The following CTNNA2 variants were observed in gnomAD, a reference collection of about 807,000 sequenced individuals.
The protein encoded by CTNNA2 is catenin alpha 2.
CTNNA2 carries 42 observed loss-of-function variants against 101.0 expected under a neutral mutation model. The ratio of observed to expected loss-of-function variants is 0.42; its 90% CI spans 0.32 to 0.54. CTNNA2 has a LOEUF of 0.54. Among genes scored for constraint, CTNNA2 ranks in the 20% least tolerant of loss-of-function variants. The pLI, the probability that CTNNA2 is intolerant of heterozygous loss-of-function variation, is 0.14. For missense variants in CTNNA2, 871 were observed against 1,223.1 expected (o/e 0.71, Z 4.29); for synonymous variants, 450 against 456.4 (o/e 0.99, Z 0.18).
chr2:79,548,468 T>G (rs1673879676), intron 1 of CTNNA2, among the ~76,000 whole-genome samples: 1 of 152,232 alleles, frequency 6.6e-6, no homozygotes, highest in South Asian at 2.1e-4. Context: ...GAAATGCTAT[T>G]GTTAGAAATT....
chr2:80,476,508 A>T (rs1442676515), intron 9 of CTNNA2, among the ~76,000 whole-genome samples: 1 of 152,192 alleles, frequency 6.6e-6, no homozygotes, highest in East Asian at 1.9e-4. Flanking sequence ...AGAAGCAAAA[A>T]AAGCATTTTT....
intron 7 of CTNNA2, among the ~76,000 whole-genome samples, chr2:80,130,789 A>G (rs771831486): frequency 1.3e-4 from 19 of 151,694 alleles, no homozygotes; most frequent in Non-Finnish European, 2.1e-4. Context: ...GTTGCTTTTT[A>G]AAATGTTAAT....
chr2:80,237,415 A>T (rs1195203072), intron 7 of CTNNA2, among the ~76,000 whole-genome samples: 1 of 152,146 alleles, frequency 6.6e-6, no homozygotes, highest in Admixed American at 6.5e-5. Flanking sequence ...TCAACTTACG[A>T]TGGGTGTATT....
intron 7 of CTNNA2, among the ~76,000 whole-genome samples, chr2:80,349,197 A>G (rs1413962671): frequency 6.6e-6 from 1 of 152,082 alleles, no homozygotes; most frequent in Non-Finnish European, 1.5e-5. Flanking sequence ...GAAAATGCAG[A>G]GTCTTTCATC....
intron 1 of CTNNA2, among the ~76,000 whole-genome samples, chr2:79,583,535 A>G (rs974552548): frequency 1.3e-5 from 2 of 151,936 alleles, no homozygotes; most frequent in Non-Finnish European, 2.9e-5. Flanking sequence ...GTAAATGCCT[A>G]GGAGTATTGA....
chr2:79,876,782 A>T (rs1016217112), intron 6 of CTNNA2, among the ~76,000 whole-genome samples: 2 of 152,208 alleles, frequency 1.3e-5, no homozygotes, highest in African/African-American at 4.8e-5. Flanking sequence ...ATGTGGGGAA[A>T]ATCTATTAGC....
chr2:80,302,689 G>C lies in CTNNA2; in HGVS notation c.1057-90522G>C. On this transcript the variant is annotated intron_variant, in intron 7 of 18. Transcript: ENST00000402739. This position sits in a 1 kb window ranked among gnomAD's most constrained non-coding sequence, Gnocchi z 6.4. ...GCCCCAGATCACTGCGGTTGGTGAC[G>C]GCCGAGAGCAGGTGGCCGCTGGTGG... 8 of 1,612,464 alleles carry C rather than the reference G, an allele frequency of 5.0e-6. No individual in the cohort carries two copies. The highest frequency in any genetic ancestry group is 5.1e-6 in the Non-Finnish European group (6 of 1,179,744).
chr2:80,092,423 G>T (rs1196440442), intron 7 of CTNNA2, among the ~76,000 whole-genome samples: 1 of 152,066 alleles, frequency 6.6e-6, no homozygotes, highest in Non-Finnish European at 1.5e-5. Context: ...CCTGTATCTT[G>T]AAGCTTTCCC....
chr2:79,661,325 C>T (rs1384956845), intron 2 of CTNNA2, among the ~76,000 whole-genome samples: 1 of 152,102 alleles, frequency 6.6e-6, no homozygotes, highest in African/African-American at 2.4e-5. Context: ...ATAAAACTAC[C>T]TATTCTTCCA....
chr2:79,817,781 A>G (rs1677645638), intron 3 of CTNNA2, among the ~76,000 whole-genome samples: 1 of 152,230 alleles, frequency 6.6e-6, no homozygotes, highest in Admixed American at 6.5e-5. Context: ...ACTTGACTAA[A>G]GGACAGAATA....
chr2:79,274,375 C>T (rs949044408), intron 2 of CTNNA2, among the ~76,000 whole-genome samples: 1 of 151,980 alleles, frequency 6.6e-6, no homozygotes, highest in East Asian at 1.9e-4. Flanking sequence ...TACCCACTAT[C>T]TTATATTTTG....
At chr2:80,485,630 A>C (rs1235677617) in intron 9 of CTNNA2, among the ~76,000 whole-genome samples, 1 of 152,256 alleles carries the variant, frequency 6.6e-6, no homozygotes, top group East Asian at 1.9e-4. Context: ...GCAAGGTTTT[A>C]ACCTTTAGTT....
intron 7 of CTNNA2, among the ~76,000 whole-genome samples, chr2:80,338,296 C>CT (rs201060579): frequency 0.059 from 7,386 of 125,060 alleles, 202 homozygotes; most frequent in Non-Finnish European, 0.082. Context: ...GCCTTTTTTT[C>CT]TTTTTCTTTT....
At chr2:80,412,793 G>A (rs1187694654) in intron 8 of CTNNA2, among the ~76,000 whole-genome samples, 1 of 151,982 alleles carries the variant, frequency 6.6e-6, no homozygotes, top group East Asian at 1.9e-4. Context: ...ACTCAGTCAT[G>A]GTCAATAGGT....
At chr2:79,567,735 G>A (rs1019888624) in intron 1 of CTNNA2, among the ~76,000 whole-genome samples, 13 of 152,196 alleles carry the variant, frequency 8.5e-5, no homozygotes, top group African/African-American at 3.1e-4. Flanking sequence ...TGAGACCACA[G>A]AAGGTAGAGC....
At chr2:80,634,591 A>G (rs1175443119) in intron 18 of CTNNA2, among the ~76,000 whole-genome samples, 2 of 151,954 alleles carry the variant, frequency 1.3e-5, no homozygotes, top group Non-Finnish European at 2.9e-5. Flanking sequence ...TTGATAAGAT[A>G]AGTGATATTG....
chr2:79,277,469 C>G (rs533161016), intron 2 of CTNNA2, among the ~76,000 whole-genome samples: 11 of 152,164 alleles, frequency 7.2e-5, no homozygotes, highest in East Asian at 3.9e-4. Flanking sequence ...GGGGGCAAGA[C>G]AGCAGTCAGC....
chr2:79,979,927 G>T (rs1284583944), intron 7 of CTNNA2, among the ~76,000 whole-genome samples: 2 of 152,124 alleles, frequency 1.3e-5, no homozygotes, highest in Admixed American at 1.3e-4. Context: ...CTGAGACATT[G>T]AAGCAGACAT....
At chr2:80,174,469 C>T (rs1411460177) in intron 7 of CTNNA2, among the ~76,000 whole-genome samples, 2 of 152,108 alleles carry the variant, frequency 1.3e-5, no homozygotes, top group Non-Finnish European at 2.9e-5. Flanking sequence ...AGACTCTGGA[C>T]CATTTATGCC....
Sources: allele counts gnomAD v4.1 joint callset (sites outside exome capture counted in the v4.1 genomes callset), GRCh38; gene constraint gnomAD v4.1.1; non-coding constraint Gnocchi (gnomAD v3.1); transcripts MANE v1.5; gene names NCBI Gene and HGNC (gene_info 2026-07-23, HGNC 2026-07-21).